The following KIF26A variants were observed in gnomAD, a reference collection of about 807,000 sequenced individuals.
KIF26A encodes kinesin-like protein KIF26A.
Under a neutral mutation model 126.0 loss-of-function variants are expected in KIF26A, and 74 were observed. The ratio of observed to expected loss-of-function variants is 0.59; its 90% confidence interval spans 0.49 to 0.71. The LOEUF (loss-of-function observed/expected upper bound fraction) is 0.71. KIF26A is among the 30% of genes least tolerant of loss of function. The pLI, the probability that KIF26A is intolerant of heterozygous loss-of-function variation, is 0.00. For synonymous variants in KIF26A, 1,445 were observed against 1,232.7 expected, an observed-to-expected ratio of 1.17 and a Z score of -3.61; for missense variants, 2,984 against 2,763.3, an observed-to-expected ratio of 1.08 and a Z score of -1.79.
chr14:104,174,814 C>T (rs181385029), intron 11 of KIF26A, among the ~76,000 whole-genome samples, 168 bp from the exon 12 acceptor site: 115 of 152,326 alleles, frequency 7.5e-4, no homozygotes, highest in Non-Finnish European at 1.3e-3. Context: ...TAAGTTCTTC[C>T]CCTGAGACTC....
intron 3 of KIF26A, among the ~76,000 whole-genome samples, chr14:104,155,984 G>T (rs1402412927): frequency 1.3e-5 from 2 of 152,220 alleles, no homozygotes; most frequent in African/African-American, 4.8e-5. Context: ...TGGACACTGT[G>T]ATTGGGCCTG....
Position 104,180,105 on chromosome 14 carries a change from G to A in KIF26A, c.*315G>A, listed in dbSNP as rs1044017743. The A allele has an allele frequency of 1.5e-4, 46 of 301,688 alleles. No homozygotes were observed. The highest frequency in any genetic ancestry group is 8.2e-4 in the Admixed American group (17 of 20,824). 18.7% of individuals were successfully genotyped at this position (301,688 alleles called of 1,614,324 possible). On this transcript the variant is annotated 3_prime_UTR_variant, in exon 15 of 15. Transcript: ENST00000423312. ...CACCAGCAGAAGTTGTGTTCAGCCC[G>A]GCCCCGCTGCGCCTGTCCGGGCCGG...
At position 104,167,051 on chromosome 14, in the gene KIF26A, A is replaced by G. The variant is rs1388545643; in HGVS notation, c.1113+3A>G. The G allele has an allele frequency of 2.7e-5, 41 of 1,540,420 alleles. No individual in the cohort carries two copies. The highest frequency in any genetic ancestry group is 3.4e-5 in the Non-Finnish European group (39 of 1,141,630). On this transcript the variant is annotated splice_donor_region_variant and intron_variant, in intron 5 of 14. Coordinates refer to ENST00000423312, the MANE Select transcript of KIF26A (RefSeq NM_015656.2). ...ACAACCCTGGCAGCATCGGGAAGGT[A>G]GACGCAGCCCCGAGTTCGGGGCCCT...
intron 4 of KIF26A, among the ~76,000 whole-genome samples, chr14:104,164,482 G>T (rs1385915226): frequency 6.6e-6 from 1 of 152,112 alleles, no homozygotes; most frequent in African/African-American, 2.4e-5. Flanking sequence ...GGCTCTGGGT[G>T]CCTGCAGCAC....
chr14:104,179,596 C>T lies in KIF26A; in HGVS notation c.5468-13C>T, dbSNP rs1331685017. ...CTGACGCAGGTGCCCCTCCCCTCTC[C>T]TCCCCTCCCCAGTTGAGGTGGACCC... On this transcript the variant is annotated splice_polypyrimidine_tract_variant and intron_variant, in intron 14 of 14. Transcript: ENST00000423312. The T allele has an allele frequency of 8.0e-6, 12 of 1,502,152 alleles. No individual in the cohort carries two copies. Among genetic ancestry groups the T allele is most frequent in the Admixed American group, 6.4e-5 (3 of 46,746 alleles). 93.1% of individuals were successfully genotyped at this position (1,502,152 alleles called of 1,614,324 possible).
intron 2 of KIF26A, among the ~76,000 whole-genome samples, chr14:104,142,919 C>T (rs2037649939): frequency 6.6e-6 from 1 of 152,206 alleles, no homozygotes; most frequent in Non-Finnish European, 1.5e-5. Context: ...GGCTATCCGC[C>T]CCTCAAAATG....
In KIF26A at chr14:104,176,420, C is replaced by G; in HGVS notation, c.3632C>G (p.Pro1211Arg). ...GCCCAGACCATCCACTCCAGCCTCC[C>G]CCGGAAACCGAGGACTGCCTCTGCC... ...SAAQTIHSSLPRKPRTASATT... is the reference protein window; with the variant it reads ...SAAQTIHSSLRRKPRTASATT... Residue 1211 changes from proline to arginine, a missense_variant, in exon 12 of 15, where the codon CCC (proline) becomes CGC (arginine). Coordinates refer to ENST00000423312, the MANE Select transcript of KIF26A (RefSeq NM_015656.2). The G allele has an allele frequency of 1.9e-6, 3 of 1,594,616 alleles. No homozygotes were observed. Among genetic ancestry groups the G allele is most frequent in the African/African-American group, 1.3e-5 (1 of 74,700 alleles).
Position 104,176,327 on chromosome 14 carries a change from T to G in KIF26A, c.3539T>G (p.Val1180Gly). The stretch of plus-strand genomic sequence containing the variant: ...ACCTGGGGTCCGTGCCCTGGGGAAG[T>G]GGCTGCAGTGGCCCCATCCCGACCC... ...GPTWGPCPGE[V>G]AAVAPSRPGR... is the part of the protein sequence containing the mutation. Residue 1180 changes from valine (V) to glycine (G), a missense_variant, in exon 12 of 15, where the codon GTG becomes GGG. Transcript: ENST00000423312. 6.3e-7 allele frequency: 1 copy of G among 1,584,160 alleles called. No individual in the cohort carries two copies. The highest frequency in any genetic ancestry group is 8.6e-7 in the Non-Finnish European group (1 of 1,162,194).
chr14:104,162,236 A>C (rs2037839933), intron 4 of KIF26A, among the ~76,000 whole-genome samples: 1 of 152,148 alleles, frequency 6.6e-6, no homozygotes, highest in Non-Finnish European at 1.5e-5. Context: ...GATGGGCCCC[A>C]GGAGGAGGAG....
chr14:104,167,937 G>T (rs188374464), intron 5 of KIF26A, among the ~76,000 whole-genome samples: 19 of 152,322 alleles, frequency 1.2e-4, no homozygotes, highest in Non-Finnish European at 2.5e-4. Context: ...CGATTCCCAG[G>T]GGTTCAGCTC....
rs763185147 is a variant in KIF26A at position 104,173,501 on chromosome 14, G to T, written c.1855G>T (p.Gly619Cys). 1 of 1,562,460 alleles carries T rather than the reference G, an allele frequency of 6.4e-7. No individual in the cohort carries two copies. The highest frequency in any genetic ancestry group is 8.7e-7 in the Non-Finnish European group (1 of 1,150,098). ...CTACCAGTACCGCATGGAGAAGTGC[G>T]GCCGGGGAGGAAGTAGGTGCCACAC... ...HVYQYRMEKC[G>C]RGGMSGGRSR... The change falls in exon 9 of 15, where the codon GGC (glycine) becomes TGC (cysteine). Residue 619 changes from glycine to cysteine, a missense_variant. Gly to Cys is a radical substitution (Grantham distance 159). Transcript: ENST00000423312.
In KIF26A at chr14:104,177,446, T is replaced by C. The variant is rs745633196; in HGVS notation, c.4658T>C (p.Val1553Ala). ...SVGAKAGRGT[V>A]MGTKQALRAA... The stretch of plus-strand genomic sequence containing the variant: ...GGGGCGAAGGCTGGCCGGGGTACCG[T>C]CATGGGCACAAAGCAGGCGCTCCGG... Residue 1553 changes from valine (V) to alanine (A), a missense_variant, in exon 12 of 15, where the codon GTC becomes GCC. Val to Ala is a moderately conservative substitution (Grantham distance 64). Coordinates refer to ENST00000423312, the MANE Select transcript of KIF26A (RefSeq NM_015656.2). 1.3e-6 allele frequency: 2 copies of C among 1,526,112 alleles called. No individual in the cohort carries two copies. The highest frequency in any genetic ancestry group is 1.8e-6 in the Non-Finnish European group (2 of 1,141,016). The allele number at this position is 1,526,112 out of a possible 1,614,324, so 94.5% of individuals were successfully genotyped here. A position where few individuals can be genotyped will look rare whatever the true frequency, so the allele number is the denominator to read the frequency against.
rs1368773139 is a variant in KIF26A at position 104,179,679 on chromosome 14, C to T, written c.5538C>T (p.Ala1846=). The T allele has an allele frequency of 4.5e-6, 7 of 1,549,074 alleles. No homozygotes were observed. Among genetic ancestry groups the T allele is most frequent in the Non-Finnish European group, 6.1e-6 (7 of 1,146,424 alleles). Residue 1846 remains alanine, a synonymous_variant, in exon 15 of 15, where the codon GCC becomes GCT. Transcript: ENST00000423312. ...CGGCCCTGGAGCGAGCCACGGCGGC[C>T]CTGGAGCAGTGCGTGAACCTGTGCA... ...YLAALERATA[A]LEQCVNLCKA...
At chr14:104,159,301 T>C (rs911686204) in intron 4 of KIF26A, among the ~76,000 whole-genome samples, 1 of 152,244 alleles carries the variant, frequency 6.6e-6, no homozygotes, top group Non-Finnish European at 1.5e-5. Context: ...TTAAAGGGCC[T>C]GTGCGGCTGT....
intron 6 of KIF26A, 132 bp downstream of exon 6, chr14:104,172,067 C>T (rs1399295770): frequency 5.9e-6 from 5 of 842,854 alleles, no homozygotes; most frequent in Non-Finnish European, 9.1e-6. Context: ...CCGCTGCCTG[C>T]GGCGCCTGCC....
Position 104,169,309 on chromosome 14 carries a change from A to C in KIF26A, c.1113+2261A>C, listed in dbSNP as rs539140682. On this transcript the variant is annotated intron_variant, in intron 5 of 14. Transcript: ENST00000423312. ...GGCACTCAGCCTGTTTGTGCCATCC[A>C]GTTGGGGCGGGGGGCAGAGGAGTCA... 3.9e-5 allele frequency among the ~76,000 whole-genome samples: 6 copies of C among 152,326 alleles called. No individual in the cohort carries two copies. The East Asian group carries it at 1.2e-3, about 29-fold the overall frequency.
chr14:104,176,012 T>G lies in KIF26A; in HGVS notation c.3224T>G (p.Ile1075Ser), dbSNP rs1466602506. The G allele has an allele frequency of 4.4e-6, 7 of 1,589,866 alleles. No individual in the cohort carries two copies. Among genetic ancestry groups the G allele is most frequent in the East Asian group, 2.3e-5 (1 of 44,270 alleles). ...GCCTCGGGGTCCCGGCCAGTCAGCA[T>G]CATCAGCAGCATCAATGATGAGTTT... ...ALASGSRPVS[I>S]ISSINDEFDA... The change falls in exon 12 of 15, where the codon ATC becomes AGC. Residue 1075 changes from isoleucine to serine, a missense_variant. By Grantham distance (142) the Ile-to-Ser change is moderately radical. Transcript: ENST00000423312.
chr14:104,179,635 G>C lies in KIF26A; in HGVS notation c.5494G>C (p.Glu1832Gln), dbSNP rs756446886. The C allele has an allele frequency of 6.5e-7, 1 of 1,540,944 alleles. No individual in the cohort carries two copies. The highest frequency in any genetic ancestry group is 8.8e-7 in the Non-Finnish European group (1 of 1,142,180). The change falls in exon 15 of 15, where the codon GAG becomes CAG. Residue 1832 changes from glutamate (E) to glutamine (Q), a missense_variant. Transcript: ENST00000423312. Reference sequence around the variant, plus strand: ...TGAGGTGGACCCGGAGCTGGAGCCCGAGTCGGCCGAGTACCTGGCGGCCCT... The same window carrying C: ...TGAGGTGGACCCGGAGCTGGAGCCCCAGTCGGCCGAGTACCTGGCGGCCCT... ...QFEVDPELEPESAEYLAALER... is the reference protein window; with the variant it reads ...QFEVDPELEPQSAEYLAALER...
chr14:104,178,170 T>G (rs1294545375), intron 12 of KIF26A, among the ~76,000 whole-genome samples: 1 of 151,974 alleles, frequency 6.6e-6, no homozygotes, highest in Non-Finnish European at 1.5e-5. Context: ...TGTGTCTGGG[T>G]GAGCACAAGG....
Sources: allele counts gnomAD v4.1 joint callset (sites outside exome capture counted in the v4.1 genomes callset), GRCh38; gene constraint gnomAD v4.1.1; transcripts MANE v1.5; gene names NCBI Gene and HGNC (gene_info 2026-07-23, HGNC 2026-07-21).